Variants in GRIA2 observed in about 807,000 individuals in gnomAD.
GRIA2 encodes the protein glutamate ionotropic receptor AMPA type subunit 2, also known as glutamate receptor 2.
In GRIA2, 14 loss-of-function variants were observed where a neutral mutation model predicts 97.3. That is an observed-to-expected ratio of 0.14 (90% CI 0.10 to 0.23). The LOEUF is 0.23. GRIA2 is among the 10% of genes least tolerant of loss of function. The probability of loss-of-function intolerance (pLI) is 1.00; values close to 1 mark genes in which losing one functional copy is unlikely to be tolerated. For synonymous variants in GRIA2, 412 were observed against 387.8 expected, an observed-to-expected ratio of 1.06 and a Z score of -0.73; for missense variants, 558 against 1,069.8, an observed-to-expected ratio of 0.52 and a Z score of 6.67.
At position 157,263,485 on chromosome 4, in the gene GRIA2, A is replaced by C. The variant is rs183056878; in HGVS notation, c.230-40067A>C. Among the ~76,000 whole-genome samples, 392 of 152,168 alleles carry C rather than the reference A, an allele frequency of 2.6e-3. 1 individual carries two copies. Among genetic ancestry groups the C allele is most frequent in the African/African-American group, 9.0e-3 (374 of 41,536 alleles). On this transcript the variant is annotated intron_variant, in intron 2 of 15. Coordinates refer to ENST00000264426, the MANE Select transcript of GRIA2 (RefSeq NM_001083619.3). ...TCTTGTTGCTGTTTAAGGAACGCAG[A>C]GCTCATGTATTATAATTCTATTCTA... is the stretch of plus-strand genomic sequence containing the variant.
At chr4:157,307,139 TA>T (rs1425076668) in intron 3 of GRIA2, among the ~76,000 whole-genome samples, 1 of 152,190 alleles carries the variant, frequency 6.6e-6, no homozygotes, top group Non-Finnish European at 1.5e-5. Context: ...TTCTTTGGAA[TA>T]GCATAGGGTC....
chr4:157,241,041 A>C (rs1431580059), intron 2 of GRIA2, among the ~76,000 whole-genome samples: 1 of 152,134 alleles, frequency 6.6e-6, no homozygotes, highest in Non-Finnish European at 1.5e-5. Flanking sequence ...ACATGAACTC[A>C]TCATTTTTTA....
At chr4:157,262,663 C>G (rs1194360834) in intron 2 of GRIA2, among the ~76,000 whole-genome samples, 1 of 151,934 alleles carries the variant, frequency 6.6e-6, no homozygotes, top group Non-Finnish European at 1.5e-5. Context: ...AATTGATTAC[C>G]TTTTGTGTTG....
intron 11 of GRIA2, among the ~76,000 whole-genome samples, chr4:157,337,101 G>T (rs2126941212): frequency 6.6e-6 from 1 of 151,974 alleles, no homozygotes; most frequent in East Asian, 1.9e-4. Context: ...ATGGGAAAAT[G>T]GGCAACATTA....
chr4:157,250,854 C>T (rs1730988406), intron 2 of GRIA2, among the ~76,000 whole-genome samples: 1 of 152,016 alleles, frequency 6.6e-6, no homozygotes, highest in Non-Finnish European at 1.5e-5. Flanking sequence ...CTTCATGATC[C>T]CAGGGGACAT....
intron 2 of GRIA2, among the ~76,000 whole-genome samples, chr4:157,226,603 T>C (rs1044205923): frequency 6.6e-6 from 1 of 152,118 alleles, no homozygotes; most frequent in South Asian, 2.1e-4. Flanking sequence ...GTATCTGTGT[T>C]CATAAAATTA....
At chr4:157,355,923 T>TTTATATATTTATATATAAA (rs1736290476) in intron 12 of GRIA2, among the ~76,000 whole-genome samples, 2 of 67,092 alleles carry the variant, frequency 3.0e-5, no homozygotes, top group South Asian at 4.6e-4. Context: ...ATTAATATAT[T>TTTATATATTTATATATAAA]TATATATATT....
chr4:157,276,593 G>T (rs769029163), intron 2 of GRIA2, among the ~76,000 whole-genome samples: 10 of 151,446 alleles, frequency 6.6e-5, no homozygotes, highest in Non-Finnish European at 1.3e-4. Context: ...GAAACCAAAA[G>T]GTGTTTTTTT....
chr4:157,270,415 A>C (rs1731964138), intron 2 of GRIA2, among the ~76,000 whole-genome samples: 2 of 152,110 alleles, frequency 1.3e-5, no homozygotes, highest in African/African-American at 4.8e-5. Flanking sequence ...TTGTGGTAGA[A>C]ATTGTTGAAT....
intron 2 of GRIA2, among the ~76,000 whole-genome samples, chr4:157,285,491 CTT>C (rs1732796957): frequency 6.6e-6 from 1 of 151,130 alleles, no homozygotes; most frequent in African/African-American, 2.4e-5. Flanking sequence ...ATGACATTGA[CTT>C]ATATTTTCCT....
intron 2 of GRIA2, among the ~76,000 whole-genome samples, chr4:157,295,671 T>C (rs1299369284): frequency 6.6e-6 from 1 of 152,110 alleles, no homozygotes. Flanking sequence ...AAAAGTGAAC[T>C]TTAAAATAAC....
chr4:157,256,264 TAC>T (rs1304497462), intron 2 of GRIA2, among the ~76,000 whole-genome samples: 2 of 136,880 alleles, frequency 1.5e-5, no homozygotes, highest in African/African-American at 2.8e-5. Flanking sequence ...AATTATATAT[TAC>T]ATATATATGT....
chr4:157,298,803 T>C (rs1303956461), intron 2 of GRIA2, among the ~76,000 whole-genome samples: 1 of 151,988 alleles, frequency 6.6e-6, no homozygotes, highest in Non-Finnish European at 1.5e-5. Flanking sequence ...GCTTGTCACA[T>C]AGAATATTTA....
Position 157,267,917 on chromosome 4 carries a change from G to GGA in GRIA2, c.230-35630_230-35629dup, listed in dbSNP as rs370147322. ...TGTATGAAAAGTTGAAGTGTTGAAA[G>GGA]GAGAGATGATCAAAGTTTATAAGGT... On this transcript the variant is annotated intron_variant, in intron 2 of 15. Transcript: ENST00000264426. 6.7e-3 allele frequency among the ~76,000 whole-genome samples: 1,024 copies of GGA among 152,132 alleles called. 9 individuals are homozygous for GGA. The highest frequency in any genetic ancestry group is 0.023 in the African/African-American group (972 of 41,536).
In GRIA2 at chr4:157,362,946, G is replaced by A; in HGVS notation, c.2554G>A (p.Ala852Thr). The A allele has an allele frequency of 1.2e-6, 2 of 1,613,562 alleles. No homozygotes were observed. The highest frequency in any genetic ancestry group is 2.2e-5 in the South Asian group (2 of 91,074). Residue 852 changes from alanine (A) to threonine (T), a missense_variant, in exon 15 of 16, where the codon GCA becomes ACA. Coordinates refer to ENST00000264426, the MANE Select transcript of GRIA2 (RefSeq NM_001083619.3). ...EAKRMKVAKN[A>T]QNINPSSSQN... ...GAAACGAATGAAGGTGGCAAAGAATGCACAGAATATTAACCCATCTTCCTC... is the reference window on the plus strand; with the variant it reads ...GAAACGAATGAAGGTGGCAAAGAATACACAGAATATTAACCCATCTTCCTC...
intron 2 of GRIA2, among the ~76,000 whole-genome samples, chr4:157,294,362 C>T (rs922286474): frequency 6.6e-6 from 1 of 151,682 alleles, no homozygotes; most frequent in African/African-American, 2.4e-5. Context: ...CATAATCCCT[C>T]GGTCTTGTAC....
intron 12 of GRIA2, among the ~76,000 whole-genome samples, chr4:157,343,544 C>A (rs1209473332): frequency 6.6e-6 from 1 of 152,012 alleles, no homozygotes; most frequent in African/African-American, 2.4e-5. Context: ...GGTTGAAACC[C>A]AAGCAAGTCC....
chr4:157,256,237 T>C (rs1481580219), intron 2 of GRIA2, among the ~76,000 whole-genome samples: 4 of 92,858 alleles, frequency 4.3e-5, no homozygotes, highest in Admixed American at 2.2e-4. Flanking sequence ...ATATATAATA[T>C]ATATATATAA....
At chr4:157,262,206 C>T (rs1454332975) in intron 2 of GRIA2, among the ~76,000 whole-genome samples, 3 of 152,030 alleles carry the variant, frequency 2.0e-5, no homozygotes, top group South Asian at 2.1e-4. Context: ...GGGAACTTCA[C>T]TTGTAATCTT....
Sources: allele counts gnomAD v4.1 joint callset (sites outside exome capture counted in the v4.1 genomes callset), GRCh38; gene constraint gnomAD v4.1.1; transcripts MANE v1.5; gene names NCBI Gene and HGNC (gene_info 2026-07-23, HGNC 2026-07-21).